PTPRN2: variants seen among roughly 807,000 people sequenced by gnomAD.
The protein encoded by PTPRN2 is protein tyrosine phosphatase receptor type N2, also known as receptor-type tyrosine-protein phosphatase N2.
A neutral mutation model predicts 118.8 loss-of-function variants in PTPRN2; 74 were observed. The observed-to-expected ratio is 0.62, with a 90% CI of 0.52 to 0.76. PTPRN2 has a LOEUF of 0.76. PTPRN2 is among the 30% of genes least tolerant of loss of function. PTPRN2 has a pLI of 0.00. For synonymous variants in PTPRN2, 641 were observed against 608.0 expected (o/e 1.05, Z -0.80); for missense variants, 1,481 against 1,394.4 (o/e 1.06, Z -0.99).
chr7:157,599,905 CCCTCTCCACCTGCCCA>C (rs1801565828), intron 16 of PTPRN2, among the ~76,000 whole-genome samples: 1 of 106,498 alleles, frequency 9.4e-6, no homozygotes, highest in African/African-American at 3.8e-5. Flanking sequence ...CTCCACCTGC[CCCTCTCCACCTGCCCA>C]CCTCTCCACC....
chr7:157,846,568 A>G (rs182436900), intron 12 of PTPRN2, among the ~76,000 whole-genome samples: 1 of 152,290 alleles, frequency 6.6e-6, no homozygotes, highest in East Asian at 1.9e-4. Context: ...CGCTGCCCCA[A>G]CACCCTGCCT....
At chr7:157,984,572 G>A (rs1286817565) in intron 11 of PTPRN2, among the ~76,000 whole-genome samples, 1 of 152,014 alleles carries the variant, frequency 6.6e-6, no homozygotes, top group Admixed American at 6.6e-5. Context: ...TGTGAGTGGT[G>A]AGTGATGGTT....
At chr7:158,311,387 G>A (rs541357452) in intron 3 of PTPRN2, among the ~76,000 whole-genome samples, 31 of 152,100 alleles carry the variant, frequency 2.0e-4, no homozygotes, top group African/African-American at 7.2e-4. Context: ...TCGTTTTCAT[G>A]ACAGCAAATT....
At position 158,186,040 on chromosome 7, in the gene PTPRN2, G is replaced by T. The variant is rs117780464; in HGVS notation, c.549+6287C>A. Among the ~76,000 whole-genome samples the T allele has an allele frequency of 8.7e-3, 1,331 of 152,176 alleles. 17 individuals carry two copies. Among genetic ancestry groups the T allele is most frequent in the East Asian group, 0.06 (308 of 5,164 alleles). On this transcript the variant is annotated intron_variant, in intron 5 of 22. Coordinates refer to ENST00000389418, the MANE Select transcript of PTPRN2 (RefSeq NM_002847.5). ...CTCTCCCTCCTCCATCCCTAGTGCC[G>T]CATCTCACATACTCAGCGAAAGCCC...
chr7:157,983,459 C>A (rs1803472727), intron 11 of PTPRN2, among the ~76,000 whole-genome samples: 1 of 152,266 alleles, frequency 6.6e-6, no homozygotes, highest in African/African-American at 2.4e-5. Context: ...CGGGGTCTCC[C>A]CCAAAACCCC....
At chr7:158,431,188 C>T (rs1318282943) in intron 2 of PTPRN2, among the ~76,000 whole-genome samples, 1 of 152,170 alleles carries the variant, frequency 6.6e-6, no homozygotes, top group Non-Finnish European at 1.5e-5. Context: ...CACACTGCCT[C>T]ACAGCGGGCT....
intron 3 of PTPRN2, among the ~76,000 whole-genome samples, chr7:158,216,395 G>A (rs566846260): frequency 4.2e-4 from 63 of 151,778 alleles, no homozygotes; most frequent in East Asian, 5.8e-4. Context: ...ATGTAAATGG[G>A]CTAAATATGA....
intron 5 of PTPRN2, among the ~76,000 whole-genome samples, chr7:158,183,328 T>C (rs1168879123): frequency 1.3e-5 from 2 of 152,220 alleles, no homozygotes; most frequent in Non-Finnish European, 2.9e-5. Context: ...CCAATCATCA[T>C]GGAGACAGGA....
rs375367926 is a variant in PTPRN2, at chr7:158,015,870, G to A, written c.1723+65428C>T. Among the ~76,000 whole-genome samples the A allele has an allele frequency of 5.3e-5, 8 of 152,262 alleles. 1 individual carries two copies. Among genetic ancestry groups the A allele is most frequent in the African/African-American group, 1.9e-4 (8 of 41,540 alleles). ...CACGGAAGCCGCGATCGAGGAGGAG[G>A]GGGAACAAAAGGGTCAGCTTCCGCT... is the stretch of plus-strand genomic sequence containing the variant. On this transcript the variant is annotated intron_variant, in intron 11 of 22. Transcript: ENST00000389418. The surrounding 1 kb of genome is among the most constrained non-coding windows in gnomAD (Gnocchi z 4.2).
At chr7:158,280,817 G>A (rs541272964) in intron 3 of PTPRN2, among the ~76,000 whole-genome samples, 8 of 152,356 alleles carry the variant, frequency 5.3e-5, no homozygotes, top group Non-Finnish European at 8.8e-5. Context: ...AAGGTCTCCC[G>A]AGACTGAAAT....
At chr7:158,293,033 A>T (rs1800222460) in intron 3 of PTPRN2, among the ~76,000 whole-genome samples, 1 of 151,946 alleles carries the variant, frequency 6.6e-6, no homozygotes, top group Non-Finnish European at 1.5e-5. Context: ...ACGTCACTGC[A>T]CTCCAGCCTG....
At chr7:158,316,048 A>G (rs1199536447) in intron 3 of PTPRN2, among the ~76,000 whole-genome samples, 1 of 152,156 alleles carries the variant, frequency 6.6e-6, no homozygotes, top group Non-Finnish European at 1.5e-5. Context: ...CAGCCACCAC[A>G]AAGACCATCC....
rs150749455 is a variant in PTPRN2 at position 158,196,732 on chromosome 7, C to T, written c.381-4237G>A. Among the ~76,000 whole-genome samples, 15 of 152,242 alleles carry T rather than the reference C, an allele frequency of 9.9e-5. No individual in the cohort carries two copies. The East Asian group carries it at 2.9e-3, about 29-fold the overall frequency. ...GGACTTCAATCCAGTGCCCCCGATG[C>T]CAGTGGAAAGGCGACTATAGATTTC... On this transcript the variant is annotated intron_variant, in intron 4 of 22. Coordinates refer to ENST00000389418, the MANE Select transcript of PTPRN2 (RefSeq NM_002847.5).
chr7:158,436,334 G>A (rs1289640531), intron 2 of PTPRN2, among the ~76,000 whole-genome samples: 3 of 152,034 alleles, frequency 2.0e-5, no homozygotes, highest in African/African-American at 7.3e-5. Context: ...GGAGTCTCTC[G>A]AGTTCTGTCT....
chr7:158,451,358 T>C (rs1818085768), intron 2 of PTPRN2, among the ~76,000 whole-genome samples: 1 of 152,232 alleles, frequency 6.6e-6, no homozygotes, highest in Admixed American at 6.5e-5. Context: ...GATTTTAATA[T>C]AGTTGAAATT....
chr7:158,516,025 CCA>C (rs1823531248), intron 1 of PTPRN2, among the ~76,000 whole-genome samples: 1 of 152,216 alleles, frequency 6.6e-6, no homozygotes, highest in African/African-American at 2.4e-5. Context: ...ACCATGATAT[CCA>C]CAGACACGCT....
intron 5 of PTPRN2, among the ~76,000 whole-genome samples, chr7:158,177,491 C>T (rs540162626): frequency 6.6e-6 from 1 of 152,268 alleles, no homozygotes; most frequent in East Asian, 1.9e-4. Flanking sequence ...TGACAATGAA[C>T]ACGTCCGTCA....
At chr7:157,973,270 G>C (rs1353443035) in intron 11 of PTPRN2, among the ~76,000 whole-genome samples, 7 of 152,094 alleles carry the variant, frequency 4.6e-5, no homozygotes, top group African/African-American at 1.7e-4. Context: ...TTAGTTCATG[G>C]GCTGATAGGA....
chr7:157,570,844 C>G (rs1015002514), intron 20 of PTPRN2, among the ~76,000 whole-genome samples: 3 of 152,104 alleles, frequency 2.0e-5, no homozygotes, highest in Non-Finnish European at 4.4e-5. Context: ...ACCATTGTCT[C>G]GATGTTTCTG....
Sources: allele counts gnomAD v4.1 joint callset (sites outside exome capture counted in the v4.1 genomes callset), GRCh38; gene constraint gnomAD v4.1.1; non-coding constraint Gnocchi (gnomAD v3.1); transcripts MANE v1.5; gene names NCBI Gene and HGNC (gene_info 2026-07-23, HGNC 2026-07-21).